The following FBLN1 variants were observed in gnomAD, a reference collection of about 807,000 sequenced individuals.
FBLN1 encodes fibulin 1, also known as fibulin-1.
A neutral mutation model predicts 89.7 loss-of-function variants in FBLN1; 34 were observed. The observed-to-expected ratio is 0.38, with a 90% CI of 0.29 to 0.50. The LOEUF (loss-of-function observed/expected upper bound fraction) is 0.50. Ranked by LOEUF, FBLN1 falls within the 20% of genes least tolerant of loss-of-function variation. The probability of loss-of-function intolerance (pLI) is 0.92; values close to 1 mark genes in which losing one functional copy is unlikely to be tolerated. For synonymous variants in FBLN1, 393 were observed against 391.3 expected (o/e 1.00, Z -0.05); for missense variants, 777 against 988.1 (o/e 0.79, Z 2.86).
chr22:45,570,319 CAAAAAAAAAAA>C (rs761469854), intron 14 of FBLN1, among the ~76,000 whole-genome samples: 2 of 36,444 alleles, frequency 5.5e-5, no homozygotes, highest in East Asian at 8.9e-4. Flanking sequence ...GACTCTGTCT[CAAAAAAAAAAA>C]AAAAAAAAAG....
chr22:45,587,948 C>T (rs2089102755), intron 16 of FBLN1, among the ~76,000 whole-genome samples: 1 of 152,146 alleles, frequency 6.6e-6, no homozygotes, highest in Non-Finnish European at 1.5e-5. Flanking sequence ...TCCTCATACT[C>T]ATTCTCCCAA....
At chr22:45,524,699 A>G (rs1193940529) in intron 2 of FBLN1, among the ~76,000 whole-genome samples, 5 of 152,198 alleles carry the variant, frequency 3.3e-5, no homozygotes, top group Non-Finnish European at 7.3e-5. Flanking sequence ...GGTGAAGCCT[A>G]GTGCTCAGAG....
chr22:45,559,196 A>C (rs1272390190), intron 14 of FBLN1, among the ~76,000 whole-genome samples: 1 of 152,198 alleles, frequency 6.6e-6, no homozygotes, highest in Admixed American at 6.5e-5. Context: ...GTACCAAGAG[A>C]TATGGTAATT....
Position 45,578,011 on chromosome 22 carries a change from G to C in FBLN1, c.1972+903G>C, listed in dbSNP as rs1056002141. On this transcript the variant is annotated intron_variant, in intron 16 of 16. Transcript: ENST00000327858. This position sits in a 1 kb window ranked among gnomAD's most constrained non-coding sequence, Gnocchi z 4.6. ...GATTTATACTCTGAACACTTTCAAA[G>C]CAGCTGAGCAACGGACGGACAGTCC... 6.6e-6 allele frequency: 1 copy of C among 152,380 alleles called. No individual in the cohort carries two copies. Among genetic ancestry groups the C allele is most frequent in the Non-Finnish European group, 1.5e-5 (1 of 68,154 alleles). The allele number at this position is 152,380 out of a possible 1,614,324, so 9.4% of individuals were successfully genotyped here.
rs2088888173 is a variant in FBLN1 at position 45,564,861 on chromosome 22, C to G, written c.1698-9650C>G. ...GTCACTAGCATTTCTGTGGCTGTGA[C>G]ACTGTGCTGACACTGTTTCCAGGCA... On this transcript the variant is annotated intron_variant, in intron 14 of 16. Coordinates refer to ENST00000327858, the MANE Select transcript of FBLN1 (RefSeq NM_006486.3). 1.9e-6 allele frequency: 3 copies of G among 1,613,382 alleles called. No homozygotes were observed. In the African/African-American group the frequency reaches 4.0e-5, roughly 21 times the overall value.
chr22:45,538,178 C>T (rs1233022924), intron 8 of FBLN1, among the ~76,000 whole-genome samples: 1 of 152,204 alleles, frequency 6.6e-6, no homozygotes, highest in South Asian at 2.1e-4. Context: ...GTGACAGCAT[C>T]GAAAGCCAAA....
chr22:45,521,168 CCTT>C (rs566445897), intron 2 of FBLN1, among the ~76,000 whole-genome samples: 128 of 152,256 alleles, frequency 8.4e-4, no homozygotes, highest in African/African-American at 2.9e-3. Flanking sequence ...AAACACATTG[CCTT>C]CTTAGAAATT....
chr22:45,588,652 T>G lies in FBLN1; in HGVS notation c.1972+11544T>G, dbSNP rs1016531972. Among the ~76,000 whole-genome samples, 3 of 128,338 alleles carry G rather than the reference T, an allele frequency of 2.3e-5. No homozygotes were observed. The highest frequency in any genetic ancestry group is 7.4e-5 in the African/African-American group (3 of 40,312). 84.2% of individuals were successfully genotyped at this position (128,338 alleles called of 152,430 possible). ...AAAGGGGCTGGGAACAGCCTCTTAG[T>G]CTCCAGAGCCTCCCGCAGGAATGAT... On this transcript the variant is annotated intron_variant, in intron 16 of 16. Transcript: ENST00000327858. The surrounding 1 kb of genome is among the most constrained non-coding windows in gnomAD (Gnocchi z 5.1).
rs1350335831 is a variant in FBLN1, at chr22:45,508,286, C to CTTTTTTTTTTTTTTTTT, written c.79+5231_79+5232insTTTTTTTTTTTTTTTTT. The stretch of plus-strand genomic sequence containing the variant: ...CAGCACACTGGACAGCCTCGCGTAT[C>CTTTTTTTTTTTTTTTTT]TTTTTTTTTGAGACGGAGTCTTGCA... On this transcript the variant is annotated intron_variant, in intron 1 of 16. Coordinates refer to ENST00000327858, the MANE Select transcript of FBLN1 (RefSeq NM_006486.3). 6.3e-4 allele frequency among the ~76,000 whole-genome samples: 81 copies of CTTTTTTTTTTTTTTTTT among 129,108 alleles called. 7 individuals carry two copies. Among genetic ancestry groups the CTTTTTTTTTTTTTTTTT allele is most frequent in the East Asian group, 1.1e-3 (4 of 3,752 alleles). 84.7% of individuals were successfully genotyped at this position (129,108 alleles called of 152,430 possible). A position where few individuals can be genotyped will look rare whatever the true frequency, so the allele number is the denominator to read the frequency against.
intron 9 of FBLN1, 106 bp downstream of exon 9, chr22:45,541,478 C>A: frequency 7.1e-7 from 1 of 1,408,202 alleles, no homozygotes; most frequent in Non-Finnish European, 9.8e-7. Flanking sequence ...AAAGCCATTT[C>A]TATCAGCCCA....
In FBLN1 at chr22:45,556,675, C is replaced by G. The variant is rs573720339; in HGVS notation, c.1697+6060C>G. The stretch of plus-strand genomic sequence containing the variant: ...CATCTTGATAGTCTGGGTCAGCCAC[C>G]CCAGCCAACACTGTAACTCCCTTCT... On this transcript the variant is annotated intron_variant, in intron 14 of 16. Transcript: ENST00000327858. This position sits in a 1 kb window ranked among gnomAD's most constrained non-coding sequence, Gnocchi z 4.6. 9.2e-5 allele frequency among the ~76,000 whole-genome samples: 14 copies of G among 152,208 alleles called. No individual in the cohort carries two copies. The highest frequency in any genetic ancestry group is 3.1e-4 in the African/African-American group (13 of 41,538).
At chr22:45,514,000 T>G (rs1292462328) in intron 1 of FBLN1, among the ~76,000 whole-genome samples, 7 of 151,804 alleles carry the variant, frequency 4.6e-5, no homozygotes, top group African/African-American at 2.4e-5. Context: ...ACCATGTTGG[T>G]CAGGCTGGTC....
At chr22:45,544,973 C>T (rs2088608006) in intron 11 of FBLN1, among the ~76,000 whole-genome samples, 1 of 152,222 alleles carries the variant, frequency 6.6e-6, no homozygotes, top group African/African-American at 2.4e-5. Flanking sequence ...TTGCCGATGA[C>T]ACCCTGTTTG....
chr22:45,546,830 G>A lies in FBLN1; in HGVS notation c.1322-255G>A, dbSNP rs1366315199. ...AGCCAGGTCGGGGCAGACTTCCAGG[G>A]GCCAAGGCTGGAGGCGATCGCTGCC... On this transcript the variant is annotated intron_variant, in intron 11 of 16. Coordinates refer to ENST00000327858, the MANE Select transcript of FBLN1 (RefSeq NM_006486.3). 2.0e-5 allele frequency among the ~76,000 whole-genome samples: 3 copies of A among 152,194 alleles called. No individual in the cohort carries two copies. The East Asian group carries it at 5.8e-4, about 29-fold the overall frequency.
In FBLN1 at chr22:45,565,534, C is replaced by T. The variant is rs749673124; in HGVS notation, c.1698-8977C>T. ...CTCCCCTGGCCCCAGGTGCCTCCAT[C>T]AGAGCATTTACCCCATTGTGTTGTG... is the stretch of plus-strand genomic sequence containing the variant. On this transcript the variant is annotated intron_variant, in intron 14 of 16. Transcript: ENST00000327858. 2.3e-4 allele frequency: 66 copies of T among 281,640 alleles called. 2 individuals are homozygous for T. Among genetic ancestry groups the T allele is most frequent in the Middle Eastern group, 2.5e-3 (2 of 786 alleles). The allele number at this position is 281,640 out of a possible 1,614,324, so 17.4% of individuals were successfully genotyped here.
At chr22:45,592,710 G>C (rs2089149460) in intron 16 of FBLN1, among the ~76,000 whole-genome samples, 1 of 152,194 alleles carries the variant, frequency 6.6e-6, no homozygotes, top group African/African-American at 2.4e-5. Context: ...CTCTTGGGGT[G>C]AATTTACTGA....
At chr22:45,546,300 C>T (rs774575839) in intron 11 of FBLN1, among the ~76,000 whole-genome samples, 1 of 152,214 alleles carries the variant, frequency 6.6e-6, no homozygotes, top group Non-Finnish European at 1.5e-5. Flanking sequence ...TCACTGCAAC[C>T]TCTGCCTCCT....
At chr22:45,525,253 C>T (rs2088310026) in intron 2 of FBLN1, among the ~76,000 whole-genome samples, 2 of 152,178 alleles carry the variant, frequency 1.3e-5, no homozygotes, top group Admixed American at 1.3e-4. Context: ...GAGGGTCTTA[C>T]CATGTTGCCC....
intron 1 of FBLN1, among the ~76,000 whole-genome samples, chr22:45,516,656 G>T (rs946196531): frequency 9.9e-5 from 15 of 151,936 alleles, no homozygotes; most frequent in Non-Finnish European, 1.0e-4. Context: ...TGAGGTGGGA[G>T]GGGGGCTGAG....
Sources: allele counts gnomAD v4.1 joint callset (sites outside exome capture counted in the v4.1 genomes callset), GRCh38; gene constraint gnomAD v4.1.1; non-coding constraint Gnocchi (gnomAD v3.1); transcripts MANE v1.5; gene names NCBI Gene and HGNC (gene_info 2026-07-23, HGNC 2026-07-21).